Variants in CACNA1C observed in about 807,000 individuals in gnomAD.
CACNA1C encodes the protein voltage-dependent L-type calcium channel subunit alpha-1C.
A neutral mutation model predicts 229.0 loss-of-function variants in CACNA1C; 30 were observed. The ratio of observed to expected loss-of-function variants is 0.13; its 90% CI spans 0.10 to 0.18. The LOEUF (loss-of-function observed/expected upper bound fraction) is 0.18. Ranked by LOEUF, CACNA1C falls within the 10% of genes least tolerant of loss-of-function variation. The pLI is 1.00. For missense variants in CACNA1C, 1,658 were observed against 2,845.0 expected, an observed-to-expected ratio of 0.58 and a Z score of 9.49; for synonymous variants, 1,114 against 1,132.5, an observed-to-expected ratio of 0.98 and a Z score of 0.33.
chr12:2,275,921 G>T lies in CACNA1C; in HGVS notation c.477+155491G>T, dbSNP rs559299423. ...TCAAGCCCAGTTACAGTCATCCCTT[G>T]GTGTCTGTGGGGAGACTGATTCCTG... is the stretch of plus-strand genomic sequence containing the variant. On this transcript the variant is annotated intron_variant, in intron 3 of 46. Transcript: ENST00000399655. This position sits in a 1 kb window ranked among gnomAD's most constrained non-coding sequence, Gnocchi z 4.1. 6.6e-6 allele frequency among the ~76,000 whole-genome samples: 1 copy of T among 152,190 alleles called. No homozygotes were observed. Among genetic ancestry groups the T allele is most frequent in the African/African-American group, 2.4e-5 (1 of 41,500 alleles).
intron 3 of CACNA1C, among the ~76,000 whole-genome samples, chr12:2,132,410 T>G (rs1270918022): frequency 7.8e-5 from 1 of 12,748 alleles, no homozygotes; most frequent in Non-Finnish European, 1.3e-4. Context: ...CTTCCAGTTT[T>G]TGCCCATTCA....
intron 3 of CACNA1C, among the ~76,000 whole-genome samples, chr12:2,240,433 GT>G (rs2069472714): frequency 6.6e-6 from 1 of 152,230 alleles, no homozygotes; most frequent in Admixed American, 6.5e-5. Flanking sequence ...GGTCTGTGAT[GT>G]GTGAAGACAC....
intron 3 of CACNA1C, among the ~76,000 whole-genome samples, chr12:2,387,305 T>C (rs2098408447): frequency 6.6e-6 from 1 of 152,108 alleles, no homozygotes; most frequent in Admixed American, 6.6e-5. Context: ...GCCAACTTGC[T>C]GAAATCTCGG....
intron 12 of CACNA1C, 131 bp from the exon 13 acceptor site, chr12:2,567,438 C>T (rs1328318265): frequency 1.6e-6 from 1 of 623,426 alleles, no homozygotes. Flanking sequence ...CTGTTCTGGC[C>T]GAGGTGGATG....
Position 2,146,171 on chromosome 12 carries a change from G to T in CACNA1C, c.477+25741G>T, listed in dbSNP as rs114876506. Among the ~76,000 whole-genome samples, 1,506 of 151,216 alleles carry T rather than the reference G, an allele frequency of 1.0e-2. 36 individuals are homozygous for T. The highest frequency in any genetic ancestry group is 0.035 in the African/African-American group (1,431 of 41,428). ...CCTGTCACGTTTAGATTGGGGCAAG[G>T]AAAGGTTCTCACCCTCGAGGAATTT... On this transcript the variant is annotated intron_variant, in intron 3 of 46. Coordinates refer to ENST00000399655, the MANE Select transcript of CACNA1C (RefSeq NM_000719.7).
At chr12:2,146,429 T>C (rs2094714290) in intron 3 of CACNA1C, among the ~76,000 whole-genome samples, 1 of 151,244 alleles carries the variant, frequency 6.6e-6, no homozygotes, top group South Asian at 2.1e-4. Context: ...TGAGTAGCAG[T>C]ATGTGGCAAG....
At chr12:2,399,836 G>T (rs2098651345) in intron 3 of CACNA1C, among the ~76,000 whole-genome samples, 1 of 152,150 alleles carries the variant, frequency 6.6e-6, no homozygotes, top group African/African-American at 2.4e-5. Context: ...TCTTATTAAA[G>T]AACTACTCAC....
At chr12:2,097,508 C>T (rs1266390195) in intron 1 of CACNA1C, among the ~76,000 whole-genome samples, 1 of 152,196 alleles carries the variant, frequency 6.6e-6, no homozygotes, top group Non-Finnish European at 1.5e-5. Flanking sequence ...ATTTTACATT[C>T]CCCACCAGCA....
At chr12:2,365,559 A>C (rs1046191642) in intron 3 of CACNA1C, among the ~76,000 whole-genome samples, 1 of 152,258 alleles carries the variant, frequency 6.6e-6, no homozygotes, top group African/African-American at 2.4e-5. Flanking sequence ...CCTAGTCAGC[A>C]TGTCTACCAC....
At chr12:2,572,100 C>A (rs1430764733) in intron 13 of CACNA1C, among the ~76,000 whole-genome samples, 4 of 142,070 alleles carry the variant, frequency 2.8e-5, no homozygotes, top group African/African-American at 1.1e-4. Flanking sequence ...TTAAACTTAG[C>A]TGAACCCATG....
At chr12:2,462,568 C>T (rs2099517628) in intron 5 of CACNA1C, among the ~76,000 whole-genome samples, 1 of 152,340 alleles carries the variant, frequency 6.6e-6, no homozygotes, top group South Asian at 2.1e-4. Context: ...GTGTCCTCAG[C>T]ACCGACAATA....
At chr12:2,430,585 C>T (rs1402867873) in intron 3 of CACNA1C, among the ~76,000 whole-genome samples, 5 of 151,536 alleles carry the variant, frequency 3.3e-5, no homozygotes, top group Admixed American at 1.3e-4. Context: ...TGGGGGGGTC[C>T]GAGCATGTAT....
chr12:1,999,721 GTT>G (rs1206796721), intron 1 of CACNA1C, among the ~76,000 whole-genome samples: 7 of 152,054 alleles, frequency 4.6e-5, no homozygotes, highest in African/African-American at 1.7e-4. Flanking sequence ...GGGAGACCCT[GTT>G]TCTTATAAAT....
intron 3 of CACNA1C, among the ~76,000 whole-genome samples, chr12:2,255,201 T>A (rs896965036): frequency 2.0e-5 from 3 of 150,852 alleles, no homozygotes; most frequent in African/African-American, 7.3e-5. Flanking sequence ...TGCTCCCTCC[T>A]GGTTTTACTG....
At position 2,258,251 on chromosome 12, in the gene CACNA1C, A is replaced by G. The variant is rs187713553; in HGVS notation, c.477+137821A>G. 3.5e-4 allele frequency among the ~76,000 whole-genome samples: 53 copies of G among 152,362 alleles called. 2 individuals carry two copies. The highest frequency in any genetic ancestry group is 3.2e-3 in the Admixed American group (49 of 15,308). On this transcript the variant is annotated intron_variant, in intron 3 of 46. Coordinates refer to ENST00000399655, the MANE Select transcript of CACNA1C (RefSeq NM_000719.7). ...TTCGCTTGTTTCCGCCTCTCAATTT[A>G]TGAGATAATGAGAGTTATGTAATAA...
At chr12:2,674,494 C>A (rs1214773049) in intron 38 of CACNA1C, 47 bp from the exon 39 acceptor site, 3 of 1,540,066 alleles carry the variant, frequency 1.9e-6, no homozygotes, top group African/African-American at 2.7e-5. Flanking sequence ...AGGGACCCAG[C>A]CCATCAGAGG....
chr12:2,662,507 A>G (rs2095816096), intron 34 of CACNA1C, among the ~76,000 whole-genome samples: 1 of 152,198 alleles, frequency 6.6e-6, no homozygotes, highest in African/African-American at 2.4e-5. Context: ...ATAAAAGGAG[A>G]GAGATGCCAC....
rs540064429 is a variant in CACNA1C, at chr12:2,174,671, C to A, written c.477+54241C>A. The stretch of plus-strand genomic sequence containing the variant: ...TTAGAGATGCTGACCCTTGGATGGT[C>A]AAAAATCTGCACATAAATTTTGACT... On this transcript the variant is annotated intron_variant, in intron 3 of 46. Transcript: ENST00000399655. Among the ~76,000 whole-genome samples the A allele has an allele frequency of 2.6e-4, 39 of 152,192 alleles. No homozygotes were observed. The South Asian group carries it at 7.7e-3, about 30-fold the overall frequency.
At chr12:2,218,236 TA>T (rs1288410446) in intron 3 of CACNA1C, among the ~76,000 whole-genome samples, 18 of 152,326 alleles carry the variant, frequency 1.2e-4, no homozygotes, top group East Asian at 5.8e-4. Context: ...GGATGTCCAG[TA>T]AATGTTTATT....
Sources: allele counts gnomAD v4.1 joint callset (sites outside exome capture counted in the v4.1 genomes callset), GRCh38; gene constraint gnomAD v4.1.1; non-coding constraint Gnocchi (gnomAD v3.1); transcripts MANE v1.5; gene names NCBI Gene and HGNC (gene_info 2026-07-23, HGNC 2026-07-21).